Variants in VAV2 observed in about 807,000 individuals in gnomAD.
The protein encoded by VAV2 is guanine nucleotide exchange factor VAV2.
VAV2 carries 67 observed loss-of-function variants against 132.5 expected under a neutral mutation model. The ratio of observed to expected loss-of-function variants is 0.51; its 90% confidence interval spans 0.42 to 0.62. The LOEUF (loss-of-function observed/expected upper bound fraction) is 0.62. Ranked by LOEUF, VAV2 falls within the 20% of genes least tolerant of loss-of-function variation. The pLI, the probability that VAV2 is intolerant of heterozygous loss-of-function variation, is 0.00. For synonymous variants in VAV2, 492 were observed against 443.5 expected (o/e 1.11, Z -1.37); for missense variants, 938 against 1,153.6 (o/e 0.81, Z 2.71).
intron 9 of VAV2, among the ~76,000 whole-genome samples, chr9:133,801,136 C>T (rs1350230613): frequency 6.6e-6 from 1 of 152,222 alleles, no homozygotes; most frequent in Admixed American, 6.5e-5. Context: ...GTGGCCACAG[C>T]CACAAGCCTG....
chr9:133,948,353 T>A (rs1841440593), intron 1 of VAV2, among the ~76,000 whole-genome samples: 1 of 152,220 alleles, frequency 6.6e-6, no homozygotes. Context: ...TGGCCTCGCA[T>A]GAGTGTCCCC....
At chr9:133,770,289 T>G in intron 27 of VAV2, 89 bp downstream of exon 27, 2 of 1,580,062 alleles carry the variant, frequency 1.3e-6, no homozygotes, top group Non-Finnish European at 1.7e-6. Flanking sequence ...CTGGTCTGGG[T>G]CTGTGAGGGC....
intron 1 of VAV2, among the ~76,000 whole-genome samples, chr9:133,986,300 G>C (rs529318350): frequency 6.6e-6 from 1 of 152,166 alleles, no homozygotes; most frequent in African/African-American, 2.4e-5. Context: ...GCTGATGGGG[G>C]AGCATTCTGT....
chr9:133,795,760 T>C (rs750944820), intron 11 of VAV2, 24 bp from the exon 12 acceptor site: 13 of 1,610,556 alleles, frequency 8.1e-6, no homozygotes, highest in South Asian at 2.2e-5. Context: ...AAGAGTGTCA[T>C]GTGTTACCAC....
intron 2 of VAV2, among the ~76,000 whole-genome samples, chr9:133,901,278 G>T (rs988796465): frequency 6.6e-6 from 1 of 152,218 alleles, no homozygotes; most frequent in African/African-American, 2.4e-5. Flanking sequence ...CAACAGGCCG[G>T]CTACCCACTC....
Position 133,788,252 on chromosome 9 carries a change from C to CG in VAV2, c.1407+101dup. The CG allele has an allele frequency of 1.5e-6, 2 of 1,337,742 alleles. No homozygotes were observed. The highest frequency in any genetic ancestry group is 2.6e-5 in the South Asian group (2 of 75,548). 82.9% of individuals were successfully genotyped at this position (1,337,742 alleles called of 1,614,324 possible). ...CCCCAACCCACCCGGCCAGCATCAG[C>CG]GGCTGACTTCGAGTCCCCTTCCCCT... On this transcript the variant is annotated intron_variant, in intron 15 of 29. Coordinates refer to ENST00000371850, the MANE Select transcript of VAV2 (RefSeq NM_001134398.2). This position sits in a 1 kb window ranked among gnomAD's most constrained non-coding sequence, Gnocchi z 5.3.
At chr9:133,985,348 C>T (rs1215765381) in intron 1 of VAV2, among the ~76,000 whole-genome samples, 1 of 152,076 alleles carries the variant, frequency 6.6e-6, no homozygotes, top group African/African-American at 2.4e-5. Context: ...GTGGCACAAT[C>T]TCCGCTCACT....
chr9:133,886,545 G>A (rs1295761039), intron 2 of VAV2, among the ~76,000 whole-genome samples: 4 of 152,204 alleles, frequency 2.6e-5, no homozygotes, highest in African/African-American at 4.8e-5. Context: ...CCTGGGCCCC[G>A]TGTCGGAGTC....
At chr9:133,876,247 C>T (rs1402686291) in intron 2 of VAV2, among the ~76,000 whole-genome samples, 1 of 152,180 alleles carries the variant, frequency 6.6e-6, no homozygotes, top group Admixed American at 6.5e-5. Context: ...TTCTGGAGAA[C>T]CCTGACTAAT....
intron 3 of VAV2, among the ~76,000 whole-genome samples, chr9:133,841,594 C>T (rs1431266937): frequency 1.3e-5 from 2 of 152,148 alleles, no homozygotes; most frequent in Admixed American, 6.5e-5. Context: ...TCCCAGGCTC[C>T]GTCCCCAAAC....
At chr9:133,789,556 T>C (rs1007336946) in intron 13 of VAV2, among the ~76,000 whole-genome samples, 2 of 152,160 alleles carry the variant, frequency 1.3e-5, no homozygotes, top group African/African-American at 4.8e-5. Context: ...TGGCAGCTTC[T>C]CTCCCTTTCC....
At chr9:133,943,053 C>T (rs372718108) in intron 1 of VAV2, among the ~76,000 whole-genome samples, 10 of 152,238 alleles carry the variant, frequency 6.6e-5, no homozygotes, top group South Asian at 2.1e-4. Context: ...GAGTTAAGGA[C>T]GTGGGCACCT....
intron 1 of VAV2, among the ~76,000 whole-genome samples, chr9:133,977,941 ACGCCCCCTGCCTCTGG>A (rs1842566963): frequency 9.6e-6 from 1 of 103,862 alleles, no homozygotes; most frequent in Non-Finnish European, 1.9e-5. Flanking sequence ...CGCAGCTCCC[ACGCCCCCTGCCTCTGG>A]AGATGTCCTA....
intron 1 of VAV2, among the ~76,000 whole-genome samples, chr9:133,975,410 A>T (rs1029892059): frequency 1.3e-5 from 2 of 152,194 alleles, no homozygotes; most frequent in Admixed American, 6.5e-5. Flanking sequence ...TGGGGGGCCC[A>T]GCCTCAGAGC....
At chr9:133,892,887 A>G (rs1417417571) in intron 2 of VAV2, among the ~76,000 whole-genome samples, 2 of 152,218 alleles carry the variant, frequency 1.3e-5, no homozygotes, top group Non-Finnish European at 2.9e-5. Flanking sequence ...AGAAAGAGCC[A>G]AGCGGTCTCC....
At chr9:133,940,091 C>G (rs570787118) in intron 1 of VAV2, among the ~76,000 whole-genome samples, 43 of 152,308 alleles carry the variant, frequency 2.8e-4, no homozygotes, top group African/African-American at 9.9e-4. Flanking sequence ...TGGAATCACT[C>G]GGGCCCCAGG....
chr9:133,784,894 C>T (rs911225556), intron 17 of VAV2, among the ~76,000 whole-genome samples: 1 of 152,042 alleles, frequency 6.6e-6, no homozygotes, highest in Non-Finnish European at 1.5e-5. Flanking sequence ...TGGGGTGACG[C>T]GGATGGCGGC....
At chr9:133,793,016 T>C (rs1459143475) in intron 12 of VAV2, among the ~76,000 whole-genome samples, 1 of 152,078 alleles carries the variant, frequency 6.6e-6, no homozygotes, top group Non-Finnish European at 1.5e-5. Flanking sequence ...CCTATGTCCC[T>C]GTTCTTGGGA....
At chr9:133,890,818 G>C (rs533842804) in intron 2 of VAV2, among the ~76,000 whole-genome samples, 14 of 152,284 alleles carry the variant, frequency 9.2e-5, no homozygotes, top group Admixed American at 8.5e-4. Flanking sequence ...GGTGACGGCA[G>C]AGTGAGATAT....
Sources: allele counts gnomAD v4.1 joint callset (sites outside exome capture counted in the v4.1 genomes callset), GRCh38; gene constraint gnomAD v4.1.1; non-coding constraint Gnocchi (gnomAD v3.1); transcripts MANE v1.5; gene names NCBI Gene and HGNC (gene_info 2026-07-23, HGNC 2026-07-21).